Variants in MSRA observed in about 807,000 individuals in gnomAD.
MSRA encodes methionine sulfoxide reductase A.
A neutral mutation model predicts 31.3 loss-of-function variants in MSRA; 54 were observed. That is an observed-to-expected ratio of 1.73 (90% CI 1.39 to 2.17). The LOEUF (loss-of-function observed/expected upper bound fraction) is 2.17, where lower values mean the gene tolerates loss of function less well. Ranked by LOEUF, MSRA falls within the 30% of genes most tolerant of loss-of-function variation. MSRA has a pLI of 0.00. For synonymous variants in MSRA, 169 were observed against 116.5 expected, an observed-to-expected ratio of 1.45 and a Z score of -2.90; for missense variants, 507 against 300.9, an observed-to-expected ratio of 1.69 and a Z score of -5.07.
chr8:10,076,191 G>T (rs150092674), intron 1 of MSRA, among the ~76,000 whole-genome samples: 51 of 152,368 alleles, frequency 3.3e-4, no homozygotes, highest in African/African-American at 1.2e-3. Context: ...AAAGAACCTA[G>T]AATGGTACCT....
intron 5 of MSRA, chr8:10,337,840 C>G (rs922845191): frequency 5.7e-6 from 4 of 702,018 alleles, no homozygotes; most frequent in Admixed American, 2.0e-5. Flanking sequence ...AAGGTGCCTT[C>G]TTTCTGCTAA....
chr8:10,113,441 C>G (rs1800448455), intron 1 of MSRA, among the ~76,000 whole-genome samples: 1 of 151,094 alleles, frequency 6.6e-6, no homozygotes, highest in South Asian at 2.1e-4. Flanking sequence ...GGGGAAACAG[C>G]TTTTACCTGT....
chr8:10,147,909 G>C (rs1331611509), intron 1 of MSRA, among the ~76,000 whole-genome samples: 1 of 152,198 alleles, frequency 6.6e-6, no homozygotes, highest in Non-Finnish European at 1.5e-5. Flanking sequence ...TCCTCAGACT[G>C]ATGCGAAACT....
intron 5 of MSRA, among the ~76,000 whole-genome samples, chr8:10,390,979 G>GAAAAAAA (rs58263674): frequency 7.2e-6 from 1 of 138,658 alleles, no homozygotes. Context: ...TGTCTCAAAA[G>GAAAAAAA]AAAAAAAAAA....
chr8:10,054,990 G>A (rs1802252191), intron 1 of MSRA, among the ~76,000 whole-genome samples: 1 of 152,196 alleles, frequency 6.6e-6, no homozygotes. Context: ...GTCTGGCCTT[G>A]CTCGCGGGCG....
chr8:10,213,395 C>G (rs1225774024), intron 2 of MSRA, among the ~76,000 whole-genome samples: 4 of 145,432 alleles, frequency 2.8e-5, no homozygotes, highest in African/African-American at 1.0e-4. Context: ...TGTTTTATGG[C>G]TGAGGAGTAC....
intron 1 of MSRA, among the ~76,000 whole-genome samples, chr8:10,142,746 A>G (rs1802821742): frequency 6.6e-6 from 1 of 152,216 alleles, no homozygotes; most frequent in Admixed American, 6.5e-5. Context: ...CTATTTGATA[A>G]GATCTATTTT....
At chr8:10,343,019 TTA>T (rs974232285) in intron 5 of MSRA, among the ~76,000 whole-genome samples, 2 of 108,462 alleles carry the variant, frequency 1.8e-5, no homozygotes, top group Non-Finnish European at 3.7e-5. Flanking sequence ...TGCATAAGCA[TTA>T]CACACACACA....
At chr8:10,083,656 T>G (rs539659609) in intron 1 of MSRA, among the ~76,000 whole-genome samples, 1 of 152,324 alleles carries the variant, frequency 6.6e-6, no homozygotes, top group Admixed American at 6.5e-5. Context: ...TCTTTTAAAC[T>G]ATGCAGAGGA....
Position 10,252,947 on chromosome 8 carries a change from G to T in MSRA, c.331+7724G>T, listed in dbSNP as rs2975701. On this transcript the variant is annotated intron_variant, in intron 3 of 5. Transcript: ENST00000317173. ...AAATCATGTGGTCTCTCATACTCACGTAGGTATGAACCCTGTATGCTGATA... is the reference window on the plus strand; with the variant it reads ...AAATCATGTGGTCTCTCATACTCACTTAGGTATGAACCCTGTATGCTGATA... 1.6e-4 allele frequency among the ~76,000 whole-genome samples: 25 copies of T among 152,222 alleles called. No homozygotes were observed. In the East Asian group the frequency reaches 4.4e-3, roughly 27 times the overall value.
chr8:10,257,166 G>T (rs1360442328), intron 3 of MSRA, among the ~76,000 whole-genome samples: 1 of 151,490 alleles, frequency 6.6e-6, no homozygotes, highest in East Asian at 1.9e-4. Flanking sequence ...ATTTCCATCA[G>T]GGGTGGCCAG....
At chr8:10,196,796 T>C (rs1808032528) in intron 1 of MSRA, among the ~76,000 whole-genome samples, 1 of 152,096 alleles carries the variant, frequency 6.6e-6, no homozygotes. Context: ...GGTCTCGATC[T>C]CCTGACCTCA....
At chr8:10,283,394 G>T (rs951185886) in intron 3 of MSRA, among the ~76,000 whole-genome samples, 6 of 151,764 alleles carry the variant, frequency 4.0e-5, no homozygotes, top group African/African-American at 1.5e-4. Flanking sequence ...GTCCAGTTAG[G>T]GTGAACTATA....
chr8:10,320,015 C>T, intron 5 of MSRA, 26 bp downstream of exon 5: 1 of 1,510,368 alleles, frequency 6.6e-7, no homozygotes, highest in East Asian at 2.3e-5. Flanking sequence ...CTCCTAGCCC[C>T]TGGCTTAGGC....
At chr8:10,188,332 A>C (rs190779655) in intron 1 of MSRA, among the ~76,000 whole-genome samples, 3 of 152,160 alleles carry the variant, frequency 2.0e-5, no homozygotes, top group African/African-American at 7.2e-5. Context: ...ACTGTTCATC[A>C]CTCCAAAGAA....
intron 4 of MSRA, among the ~76,000 whole-genome samples, chr8:10,306,209 A>C (rs539863310): frequency 6.6e-6 from 1 of 152,192 alleles, no homozygotes; most frequent in South Asian, 2.1e-4. Context: ...CAGGACACTT[A>C]CCCAACCTGA....
intron 1 of MSRA, among the ~76,000 whole-genome samples, chr8:10,128,266 C>G (rs978471364): frequency 5.3e-5 from 8 of 151,978 alleles, no homozygotes; most frequent in Non-Finnish European, 1.0e-4. Flanking sequence ...GTAATCCTAG[C>G]TGCTCAGGAG....
chr8:10,251,658 A>T (rs2129086689), intron 3 of MSRA, among the ~76,000 whole-genome samples: 1 of 152,274 alleles, frequency 6.6e-6, no homozygotes, highest in African/African-American at 2.4e-5. Context: ...AGGACCAAAG[A>T]TATCTGCTCA....
intron 5 of MSRA, among the ~76,000 whole-genome samples, chr8:10,378,503 TG>T (rs1029595400): frequency 3.9e-5 from 6 of 152,226 alleles, no homozygotes; most frequent in Non-Finnish European, 1.5e-5. Context: ...CTTGCTGAGT[TG>T]GTGACTTTGA....
Sources: gnomAD v4.1 joint callset for allele counts (sites outside exome capture counted in the v4.1 genomes callset) on GRCh38, gnomAD v4.1.1 for gene constraint, MANE v1.5 for transcripts, NCBI Gene and HGNC (gene_info 2026-07-23, HGNC 2026-07-21) for gene names.